Variants in CNKSR3 observed in about 807,000 individuals in gnomAD.
CNKSR3 encodes connector enhancer of kinase suppressor of ras 3.
In CNKSR3, 36 loss-of-function variants were observed where a neutral mutation model predicts 67.7. That is an observed-to-expected ratio of 0.53 (90% CI 0.41 to 0.70). CNKSR3 has a LOEUF of 0.70. Ranked by LOEUF, CNKSR3 falls within the 30% of genes least tolerant of loss-of-function variation. CNKSR3 has a pLI of 0.00. For missense variants in CNKSR3, 630 were observed against 695.2 expected, an observed-to-expected ratio of 0.91 and a Z score of 1.05; for synonymous variants, 281 against 271.4, an observed-to-expected ratio of 1.04 and a Z score of -0.35.
intron 1 of CNKSR3, among the ~76,000 whole-genome samples, chr6:154,470,098 C>T (rs1786290333): frequency 6.6e-6 from 1 of 151,196 alleles, no homozygotes; most frequent in South Asian, 2.1e-4. Flanking sequence ...GAGAACATTT[C>T]CATCACCCCA....
In CNKSR3 at chr6:154,392,533, TGGCTA is replaced by T. The variant is rs531440212; in HGVS notation, c.*13816_*13820del. 1.6e-4 allele frequency: 25 copies of T among 152,344 alleles called. No homozygotes were observed. The East Asian group carries it at 4.8e-3, about 29-fold the overall frequency. 9.4% of individuals were successfully genotyped at this position (152,344 alleles called of 1,614,324 possible). ...AATTTCATCTGGGGCACTAAACAGA[TGGCTA>T]AAGGAGCCCACCCTCAGAATCCAAA... On this transcript the variant is annotated 3_prime_UTR_variant, in exon 13 of 13. Coordinates refer to ENST00000607772, the MANE Select transcript of CNKSR3 (RefSeq NM_173515.4).
intron 10 of CNKSR3, among the ~76,000 whole-genome samples, chr6:154,413,920 G>T (rs992089132): frequency 6.6e-6 from 1 of 151,718 alleles, no homozygotes; most frequent in Non-Finnish European, 1.5e-5. Flanking sequence ...GCTAATTTTT[G>T]TATTTTTTTA....
At chr6:154,468,716 C>T (rs745953868) in intron 1 of CNKSR3, among the ~76,000 whole-genome samples, 2 of 152,138 alleles carry the variant, frequency 1.3e-5, no homozygotes, top group Non-Finnish European at 2.9e-5. Flanking sequence ...TCCCCACACA[C>T]CAAAGCAACA....
chr6:154,468,080 C>CTTTTTT (rs71021055), intron 1 of CNKSR3, among the ~76,000 whole-genome samples: 1 of 107,494 alleles, frequency 9.3e-6, no homozygotes, highest in African/African-American at 3.9e-5. Context: ...TCTTTTTTTT[C>CTTTTTT]TTTTTTTTTT....
chr6:154,463,429 T>C (rs1396345842), intron 1 of CNKSR3, among the ~76,000 whole-genome samples: 1 of 144,722 alleles, frequency 6.9e-6, no homozygotes, highest in Non-Finnish European at 1.5e-5. Context: ...CACTGGCACA[T>C]GGGCTGGGGG....
intron 1 of CNKSR3, among the ~76,000 whole-genome samples, chr6:154,495,899 C>A (rs932367411): frequency 3.3e-5 from 5 of 152,146 alleles, no homozygotes; most frequent in Non-Finnish European, 5.9e-5. Context: ...CAACAGCCAC[C>A]TCCTCAACCC....
intron 1 of CNKSR3, among the ~76,000 whole-genome samples, chr6:154,464,644 A>G (rs907803754): frequency 7.3e-5 from 11 of 151,160 alleles, no homozygotes; most frequent in Non-Finnish European, 1.6e-4. Flanking sequence ...TGAACCCGAG[A>G]GGTGGAGGTT....
At chr6:154,421,630 CTCAG>C (rs756440198) in intron 9 of CNKSR3, among the ~76,000 whole-genome samples, 5 of 150,936 alleles carry the variant, frequency 3.3e-5, no homozygotes, top group Non-Finnish European at 7.4e-5. Context: ...TTAAATAAAA[CTCAG>C]TCAGTCTTCT....
chr6:154,430,002 G>A (rs1785332163), intron 6 of CNKSR3, among the ~76,000 whole-genome samples: 1 of 152,160 alleles, frequency 6.6e-6, no homozygotes. Flanking sequence ...TGCACGCTAG[G>A]TACTAGGAGA....
chr6:154,445,995 A>C (rs1405560980), intron 2 of CNKSR3, among the ~76,000 whole-genome samples: 1 of 152,192 alleles, frequency 6.6e-6, no homozygotes, highest in Non-Finnish European at 1.5e-5. Context: ...ACCGAAAATA[A>C]ATAATTTCTC....
At position 154,406,046 on chromosome 6, in the gene CNKSR3, A is replaced by G; in HGVS notation, c.*308T>C. On this transcript the variant is annotated 3_prime_UTR_variant, in exon 13 of 13. Coordinates refer to ENST00000607772, the MANE Select transcript of CNKSR3 (RefSeq NM_173515.4). ...ATGCCACCAGTCCCTCACAATGACC[A>G]TAACGTCTCTGGCCAGGACTGCGAT... 1 of 300,838 alleles carries G rather than the reference A, an allele frequency of 3.3e-6. No homozygotes were observed. Among genetic ancestry groups the G allele is most frequent in the Non-Finnish European group, 6.2e-6 (1 of 160,606 alleles). 18.6% of individuals were successfully genotyped at this position (300,838 alleles called of 1,614,324 possible). A position where few individuals can be genotyped will look rare whatever the true frequency, so the allele number is the denominator to read the frequency against.
At position 154,390,785 on chromosome 6, in the gene CNKSR3, G is replaced by A. The variant is rs1784595210; in HGVS notation, c.*15569C>T. The A allele has an allele frequency of 7.0e-6, 1 of 142,246 alleles. No homozygotes were observed. Among genetic ancestry groups the A allele is most frequent in the African/African-American group, 2.6e-5 (1 of 37,904 alleles). The allele number at this position is 142,246 out of a possible 1,614,324, so 8.8% of individuals were successfully genotyped here. A position where few individuals can be genotyped will look rare whatever the true frequency, so the allele number is the denominator to read the frequency against. On this transcript the variant is annotated 3_prime_UTR_variant, in exon 13 of 13. Transcript: ENST00000607772. ...ACTGATCAAGGTGTCAGCAGCACTG[G>A]TTTCTTCTGAGGCTTTTTTTTTTTT...
At chr6:154,417,902 T>C (rs1365537549) in intron 9 of CNKSR3, among the ~76,000 whole-genome samples, 1 of 152,178 alleles carries the variant, frequency 6.6e-6, no homozygotes, top group Non-Finnish European at 1.5e-5. Context: ...AGCTGTCAAC[T>C]TGTCACCTGT....
rs183470045 is a variant in CNKSR3 at position 154,400,067 on chromosome 6, C to A, written c.*6287G>T. ...GGTGTGAGGAGTAATTACTCTACTGCCCTTTTAAATACCTTTGAGGTTTAT... is the reference window on the plus strand; with the variant it reads ...GGTGTGAGGAGTAATTACTCTACTGACCTTTTAAATACCTTTGAGGTTTAT... On this transcript the variant is annotated 3_prime_UTR_variant, in exon 13 of 13. Coordinates refer to ENST00000607772, the MANE Select transcript of CNKSR3 (RefSeq NM_173515.4). The A allele has an allele frequency of 5.9e-5, 9 of 152,230 alleles. No individual in the cohort carries two copies. In the East Asian group the frequency reaches 1.7e-3, roughly 29 times the overall value. The allele number at this position is 152,230 out of a possible 1,614,324, so 9.4% of individuals were successfully genotyped here.
chr6:154,416,189 T>G (rs1785021264), intron 9 of CNKSR3, among the ~76,000 whole-genome samples: 1 of 152,152 alleles, frequency 6.6e-6, no homozygotes, highest in Admixed American at 6.5e-5. Context: ...GGAAGAGATC[T>G]CTGAAGTGAA....
chr6:154,510,049 C>G lies in CNKSR3; in HGVS notation c.52+14G>C, dbSNP rs746928374. The G allele has an allele frequency of 1.9e-6, 3 of 1,614,042 alleles. No individual in the cohort carries two copies. The highest frequency in any genetic ancestry group is 2.2e-5 in the East Asian group (1 of 44,862). ...GAGGCTGGAGGACTCCGGACCCCCC[C>G]AAGGCCCGCGCACCTCTAGTCCAGT... On this transcript the variant is annotated intron_variant, in intron 1 of 12. Coordinates refer to ENST00000607772, the MANE Select transcript of CNKSR3 (RefSeq NM_173515.4).
At chr6:154,440,690 T>C (rs1158727299) in intron 4 of CNKSR3, among the ~76,000 whole-genome samples, 2 of 152,196 alleles carry the variant, frequency 1.3e-5, no homozygotes, top group African/African-American at 2.4e-5. Flanking sequence ...CCTTTCTGCC[T>C]TGGGGAAAGG....
In CNKSR3 at chr6:154,414,388, T is replaced by A; in HGVS notation, c.981A>T (p.Glu327Asp). 1 of 1,608,396 alleles carries A rather than the reference T, an allele frequency of 6.2e-7. No homozygotes were observed. The highest frequency in any genetic ancestry group is 8.5e-7 in the Non-Finnish European group (1 of 1,178,264). ...TCTTCAGTGAGGTATCCATAGTGCT[T>A]TCAGGGGACTGGGTTGTCGCGGGTG... is the stretch of plus-strand genomic sequence containing the variant. ...SPPPATTQSP[E>D]STMDTSLKKE... The change falls in exon 10 of 13, where the codon GAA becomes GAT. Residue 327 changes from glutamate to aspartate, a missense_variant. Coordinates refer to ENST00000607772, the MANE Select transcript of CNKSR3 (RefSeq NM_173515.4).
chr6:154,467,067 C>T (rs538099061), intron 1 of CNKSR3, among the ~76,000 whole-genome samples: 6 of 152,078 alleles, frequency 3.9e-5, no homozygotes, highest in Non-Finnish European at 7.4e-5. Context: ...GATTAGATGG[C>T]CACTGTTTCC....
Sources: gnomAD v4.1 joint callset for allele counts (sites outside exome capture counted in the v4.1 genomes callset) on GRCh38, gnomAD v4.1.1 for gene constraint, MANE v1.5 for transcripts, NCBI Gene and HGNC (gene_info 2026-07-23, HGNC 2026-07-21) for gene names.